The following CEP128 variants were observed in gnomAD, a reference collection of about 807,000 sequenced individuals.
CEP128 encodes centrosomal protein 128kDa.
CEP128 carries 132 observed loss-of-function variants against 156.7 expected under a neutral mutation model. The observed-to-expected ratio is 0.84, with a 90% CI of 0.73 to 0.97. The LOEUF (loss-of-function observed/expected upper bound fraction) is 0.97. CEP128 is among the 50% of genes least tolerant of loss of function. The pLI, the probability that CEP128 is intolerant of heterozygous loss-of-function variation, is 0.00. For missense variants in CEP128, 1,252 were observed against 1,281.9 expected (o/e 0.98, Z 0.36); for synonymous variants, 469 against 448.9 (o/e 1.04, Z -0.57).
At chr14:80,574,674 A>C (rs1891283715) in intron 20 of CEP128, among the ~76,000 whole-genome samples, 1 of 152,192 alleles carries the variant, frequency 6.6e-6, no homozygotes, top group Admixed American at 6.6e-5. Context: ...CACTTGTTCC[A>C]AAAGAACCAA....
At chr14:80,481,482 G>C (rs535029032) in intron 14 of CEP128, among the ~76,000 whole-genome samples, 7 of 152,264 alleles carry the variant, frequency 4.6e-5, no homozygotes, top group Admixed American at 2.6e-4. Flanking sequence ...CATACCACAA[G>C]GCTTATAATT....
chr14:80,900,387 C>A (rs1019318406), intron 6 of CEP128, among the ~76,000 whole-genome samples: 14 of 152,122 alleles, frequency 9.2e-5, no homozygotes, highest in African/African-American at 3.4e-4. Flanking sequence ...GGCCCAATAG[C>A]GACTATTCCA....
intron 9 of CEP128, among the ~76,000 whole-genome samples, chr14:80,857,053 T>G (rs1189177922): frequency 1.3e-5 from 2 of 152,008 alleles, no homozygotes; most frequent in Non-Finnish European, 2.9e-5. Flanking sequence ...CAGCCATGTT[T>G]TTCATTTTAA....
In CEP128 at chr14:80,761,522, T is replaced by C. The variant is rs748721479; in HGVS notation, c.2468A>G (p.Glu823Gly). 77 of 1,612,816 alleles carry C rather than the reference T, an allele frequency of 4.8e-5. No homozygotes were observed. The highest frequency in any genetic ancestry group is 2.2e-5 in the South Asian group (2 of 90,936). The change falls in exon 17 of 25, where the codon GAA (glutamate) becomes GGA (glycine). Residue 823 changes from glutamate to glycine, a missense_variant. Physicochemically the swap from Glu to Gly is moderately conservative, Grantham distance 98. Coordinates refer to ENST00000555265, the MANE Select transcript of CEP128 (RefSeq NM_152446.5). The stretch of plus-strand genomic sequence containing the variant: ...TATCACACCAAGAATGGATTCCTGT[T>C]CAGTCTCCAAGCAAAGAAGTTGATC... ...LKDQLLCLET[E>G]QESILGVIGK...
In CEP128 at chr14:80,539,258, G is replaced by C. The variant is rs1464305597; in HGVS notation, c.2881-8372C>G. The stretch of plus-strand genomic sequence containing the variant: ...AGGGTAAAGTGGTAGTGAGTGATAG[G>C]GTTTCTATTTTAGACACAGGGGTCT... On this transcript the variant is annotated intron_variant, in intron 21 of 24. Coordinates refer to ENST00000555265, the MANE Select transcript of CEP128 (RefSeq NM_152446.5). Among the ~76,000 whole-genome samples, 5 of 152,108 alleles carry C rather than the reference G, an allele frequency of 3.3e-5. No individual in the cohort carries two copies. In the East Asian group the frequency reaches 7.7e-4, roughly 24 times the overall value.
intron 2 of CEP128, 64 bp from the exon 3 acceptor site, chr14:80,916,626 AC>A: frequency 3.9e-6 from 5 of 1,278,132 alleles, no homozygotes; most frequent in Non-Finnish European, 1.1e-6. Context: ...AAAGACTAAT[AC>A]AACAGTTTAC....
intron 19 of CEP128, among the ~76,000 whole-genome samples, chr14:80,674,360 AG>A (rs1321967157): frequency 6.6e-6 from 1 of 152,142 alleles, no homozygotes; most frequent in Non-Finnish European, 1.5e-5. Context: ...GAGATTTTAG[AG>A]ATCACATTAT....
chr14:80,584,743 C>T (rs944538364), intron 19 of CEP128, among the ~76,000 whole-genome samples: 5 of 152,134 alleles, frequency 3.3e-5, no homozygotes, highest in African/African-American at 2.4e-5. Context: ...GTGATAACAG[C>T]GTGATTAGTA....
intron 19 of CEP128, among the ~76,000 whole-genome samples, chr14:80,699,405 C>T (rs1896995450): frequency 1.3e-5 from 2 of 152,164 alleles, no homozygotes; most frequent in South Asian, 4.1e-4. Flanking sequence ...TAAACCATTG[C>T]TTAATGTCCT....
chr14:80,777,890 C>G lies in CEP128; in HGVS notation c.2368G>C (p.Glu790Gln). 1 of 1,599,548 alleles carries G rather than the reference C, an allele frequency of 6.3e-7. No homozygotes were observed. Among genetic ancestry groups the G allele is most frequent in the Non-Finnish European group, 8.5e-7 (1 of 1,170,240 alleles). The change falls in exon 16 of 25, where the codon GAA becomes CAA. Residue 790 changes from glutamate to glutamine, a missense_variant. Physicochemically the swap from Glu to Gln is conservative, Grantham distance 29. Coordinates refer to ENST00000555265, the MANE Select transcript of CEP128 (RefSeq NM_152446.5). Reference sequence around the variant, plus strand: ...TTCACTCATATTTTTACCCTTTCTTCTAGTTGATCCTTCAAACATTGATAT... The same window carrying G: ...TTCACTCATATTTTTACCCTTTCTTGTAGTTGATCCTTCAAACATTGATAT... ...LKYQCLKDQL[E>Q]EREKHISIEE...
Position 80,784,923 on chromosome 14 carries a change from TCA to T in CEP128, c.2181_2182del (p.Ser727ArgfsTer3). 1 of 1,613,038 alleles carries T rather than the reference TCA, an allele frequency of 6.2e-7. No homozygotes were observed. Among genetic ancestry groups the T allele is most frequent in the Non-Finnish European group, 8.5e-7 (1 of 1,179,534 alleles). On this transcript the variant is annotated frameshift_variant, in exon 15 of 25. Coordinates refer to ENST00000555265, the MANE Select transcript of CEP128 (RefSeq NM_152446.5). LOFTEE classifies it high-confidence loss of function. ...CAGAGTCCTGATATGATTCTCAGCCTCACTCTTTTCTTTCTTAAAGTGCTTCA... is the reference window on the plus strand; with the variant it reads ...CAGAGTCCTGATATGATTCTCAGCCTCTCTTTTCTTTCTTAAAGTGCTTCA...
At chr14:80,822,257 T>C (rs888011346) in intron 13 of CEP128, among the ~76,000 whole-genome samples, 1 of 152,104 alleles carries the variant, frequency 6.6e-6, no homozygotes. Context: ...CTTCCGCCCA[T>C]AAGCCCGTAA....
intron 21 of CEP128, among the ~76,000 whole-genome samples, chr14:80,533,422 T>C (rs145231767): frequency 2.2e-4 from 34 of 152,298 alleles, no homozygotes; most frequent in African/African-American, 8.2e-4. Context: ...TCAAAATAAG[T>C]AAATGATCTC....
At chr14:80,630,412 C>G (rs1893912690) in intron 19 of CEP128, among the ~76,000 whole-genome samples, 1 of 151,714 alleles carries the variant, frequency 6.6e-6, no homozygotes, top group Admixed American at 6.6e-5. Context: ...ATTTTATAGG[C>G]ATTAGAGTTT....
intron 19 of CEP128, among the ~76,000 whole-genome samples, chr14:80,649,848 G>A (rs71416843): frequency 0.074 from 11,308 of 152,116 alleles, 494 homozygotes; most frequent in African/African-American, 0.11. Flanking sequence ...GTCAGGTAGC[G>A]TGGTGCCTCC....
At chr14:80,802,888 A>G in intron 13 of CEP128, among the ~76,000 whole-genome samples, 1 of 152,204 alleles carries the variant, frequency 6.6e-6, no homozygotes, top group African/African-American at 2.4e-5. Context: ...ACAGGAATGG[A>G]CTTTTAGAAC....
chr14:80,708,496 TTTTTA>T (rs1897297997), intron 19 of CEP128, among the ~76,000 whole-genome samples: 2 of 152,222 alleles, frequency 1.3e-5, no homozygotes, highest in African/African-American at 2.4e-5. Context: ...TATTTTCCAT[TTTTTA>T]TTTTATTATT....
intron 19 of CEP128, among the ~76,000 whole-genome samples, chr14:80,589,564 T>C (rs540187208): frequency 5.3e-5 from 8 of 152,214 alleles, no homozygotes; most frequent in African/African-American, 9.6e-5. Flanking sequence ...CCAAAATTGT[T>C]AGTTTCCTCA....
At chr14:80,570,231 C>T (rs2140409680) in intron 20 of CEP128, among the ~76,000 whole-genome samples, 1 of 152,234 alleles carries the variant, frequency 6.6e-6, no homozygotes, top group South Asian at 2.1e-4. Context: ...GATTCCCCTG[C>T]CTCAGCCTCC....
Sources: allele counts gnomAD v4.1 joint callset (sites outside exome capture counted in the v4.1 genomes callset), GRCh38; gene constraint gnomAD v4.1.1; transcripts MANE v1.5; gene names NCBI Gene and HGNC (gene_info 2026-07-23, HGNC 2026-07-21).